RCE1: variants seen among roughly 807,000 people sequenced by gnomAD.
The protein encoded by RCE1 is CAAX prenyl protease 2.
A neutral mutation model predicts 35.0 loss-of-function variants in RCE1; 15 were observed. The observed-to-expected ratio is 0.43, with a 90% CI of 0.29 to 0.66. The LOEUF (loss-of-function observed/expected upper bound fraction) is 0.66. Ranked by LOEUF, RCE1 falls within the 30% of genes least tolerant of loss-of-function variation. RCE1 has a pLI of 0.17. For synonymous variants in RCE1, 261 were observed against 192.7 expected, an observed-to-expected ratio of 1.35 and a Z score of -2.94; for missense variants, 434 against 433.0, an observed-to-expected ratio of 1.00 and a Z score of -0.02.
intron 3 of RCE1, 62 bp from the exon 4 acceptor site, chr11:66,844,224 A>C: frequency 6.2e-7 from 1 of 1,610,878 alleles, no homozygotes; most frequent in South Asian, 1.1e-5. Flanking sequence ...AGTCTCAGGG[A>C]GCATGGGCAA....
In RCE1 at chr11:66,846,100, T is replaced by TG; in HGVS notation, c.*6dup. ...GAGGCTCCCCTGTGCTCCTGACCTA[T>TG]GCTCCTGGATACGCTATGAACTCTC... On this transcript the variant is annotated 3_prime_UTR_variant, in exon 8 of 8. Transcript: ENST00000309657. 1.3e-6 allele frequency: 2 copies of TG among 1,599,950 alleles called. No individual in the cohort carries two copies. The highest frequency in any genetic ancestry group is 1.7e-6 in the Non-Finnish European group (2 of 1,174,142).
In RCE1 at chr11:66,844,337, C is replaced by T. The variant is rs1183915321; in HGVS notation, c.424C>T (p.Leu142=). 3.1e-6 allele frequency: 5 copies of T among 1,614,034 alleles called. No individual in the cohort carries two copies. The highest frequency in any genetic ancestry group is 3.4e-6 in the Non-Finnish European group (4 of 1,180,022). The change falls in exon 4 of 8, where the codon CTG becomes TTG. Residue 142 remains leucine, a synonymous_variant. Transcript: ENST00000309657. The stretch of plus-strand genomic sequence containing the variant: ...GCTCTCTATGGATTGCCCTTGTGAC[C>T]TGGCAGATGGGCTGAAGGTTGTCCT... ...MQLSMDCPCD[L]ADGLKVVLAP...
chr11:66,844,496 A>G, intron 4 of RCE1, 132 bp downstream of exon 4: 1 of 1,275,768 alleles, frequency 7.8e-7, no homozygotes, highest in South Asian at 1.3e-5. Flanking sequence ...TCATCAGTAA[A>G]ATGGAAACAT....
In RCE1 at chr11:66,843,626, G is replaced by A; in HGVS notation, c.171G>A (p.Lys57=). 1.2e-6 allele frequency: 2 copies of A among 1,601,710 alleles called. No individual in the cohort carries two copies. The highest frequency in any genetic ancestry group is 1.1e-5 in the South Asian group (1 of 90,242). ...ACGTGGGCAGCCTCTACGTCTGGAA[G>A]AGCGAACTGCCCAGGTGCGGGGGCT... ...CSYVGSLYVW[K]SELPRDHPAV... is the part of the protein sequence containing the mutation. The change falls in exon 1 of 8, where the codon AAG becomes AAA. Residue 57 remains lysine, a synonymous_variant. Transcript: ENST00000309657.
chr11:66,845,077 A>T, intron 5 of RCE1, 41 bp downstream of exon 5: 2 of 1,609,210 alleles, frequency 1.2e-6, no homozygotes, highest in Non-Finnish European at 1.7e-6. Context: ...TTTCAGCATG[A>T]GAGCTCAGAA....
At chr11:66,843,907 G>A (rs1208564229) in intron 2 of RCE1, 46 bp downstream of exon 2, 1 of 1,614,026 alleles carries the variant, frequency 6.2e-7, no homozygotes, top group Non-Finnish European at 8.5e-7. Context: ...AGAGCTCAGG[G>A]GTCTTTAGGG....
Position 66,846,144 on chromosome 11 carries a change from C to T in RCE1, c.*49C>T. The T allele has an allele frequency of 1.3e-6, 2 of 1,529,080 alleles. No individual in the cohort carries two copies. Among genetic ancestry groups the T allele is most frequent in the Non-Finnish European group, 1.8e-6 (2 of 1,141,790 alleles). The allele number at this position is 1,529,080 out of a possible 1,614,324, so 94.7% of individuals were successfully genotyped here. ...AACTCTCACCGGCTCCCCAGCCCTC[C>T]CCACCAAGGGGTACTGCAGGGGAAG... is the stretch of plus-strand genomic sequence containing the variant. On this transcript the variant is annotated 3_prime_UTR_variant, in exon 8 of 8. Transcript: ENST00000309657.
At chr11:66,845,824 A>G in intron 7 of RCE1, 36 bp from the exon 8 acceptor site, 1 of 1,599,496 alleles carries the variant, frequency 6.3e-7, no homozygotes. Flanking sequence ...AGGAGGTGGT[A>G]GGGCTGCTCC....
At chr11:66,845,072 G>T (rs761820215) in intron 5 of RCE1, 36 bp downstream of exon 5, 22 of 1,608,688 alleles carry the variant, frequency 1.4e-5, no homozygotes, top group Non-Finnish European at 1.9e-5. Context: ...TGTGTTTTCA[G>T]CATGAGAGCT....
rs536534375 is a variant in RCE1 at position 66,844,780 on chromosome 11, A to G, written c.452-89A>G. On this transcript the variant is annotated intron_variant, in intron 4 of 7. Coordinates refer to ENST00000309657, the MANE Select transcript of RCE1 (RefSeq NM_005133.3). ...TGCCTAACCTGAGTTTGGCCAGGGT[A>G]AAGTTGTGGGAGAGGAGCCCTTGGA... The G allele has an allele frequency of 2.5e-4, 355 of 1,447,996 alleles. 1 individual carries two copies. Among genetic ancestry groups the G allele is most frequent in the Non-Finnish European group, 8.8e-5 (97 of 1,100,134 alleles). 89.7% of individuals were successfully genotyped at this position (1,447,996 alleles called of 1,614,324 possible).
At chr11:66,844,110 GT>G in intron 3 of RCE1, 71 bp downstream of exon 3, 1 of 1,606,388 alleles carries the variant, frequency 6.2e-7, no homozygotes, top group Non-Finnish European at 8.5e-7. Flanking sequence ...GTGGACTCTT[GT>G]TTTTGGTTTT....
At position 66,843,992 on chromosome 11, in the gene RCE1, C is replaced by A. The variant is rs754334755; in HGVS notation, c.325C>A (p.Leu109Met). 40 of 1,614,024 alleles carry A rather than the reference C, an allele frequency of 2.5e-5. No individual in the cohort carries two copies. The highest frequency in any genetic ancestry group is 3.3e-5 in the Non-Finnish European group (39 of 1,180,038). The change falls in exon 3 of 8, where the codon CTG becomes ATG. Residue 109 changes from leucine to methionine, a missense_variant. By Grantham distance (15) the Leu-to-Met change is conservative. Transcript: ENST00000309657. ...CCTGCTCACCCTGATGGGCTTCAGG[C>A]TGGAGGGCATTTTCCCAGCGGCGCT... ...TSLLTLMGFR[L>M]EGIFPAALLP...
chr11:66,845,462 C>T lies in RCE1; in HGVS notation c.692-38C>T, dbSNP rs568061844. ...GTATGTAGTGTGGGGGCAGGAAGGG[C>T]GTGCAGGTGTGGTCACTCGTGGCCT... On this transcript the variant is annotated intron_variant, in intron 6 of 7. Transcript: ENST00000309657. 2.1e-5 allele frequency: 34 copies of T among 1,613,816 alleles called. No homozygotes were observed. The African/African-American group carries it at 2.4e-4, about 11-fold the overall frequency.
intron 1 of RCE1, 35 bp from the exon 2 acceptor site, chr11:66,843,724 C>T: frequency 6.2e-7 from 1 of 1,608,514 alleles, no homozygotes; most frequent in East Asian, 2.2e-5. Flanking sequence ...TCATGGGCAG[C>T]CGCGGGCCCC....
At position 66,844,955 on chromosome 11, in the gene RCE1, C is replaced by G; in HGVS notation, c.538C>G (p.Arg180Gly). Residue 180 changes from arginine to glycine, a missense_variant, in exon 5 of 8, where the codon CGG becomes GGG. Transcript: ENST00000309657. ...CCCGCTGACAGAGGAGCTGGTGTTC[C>G]GGGCCTGTATGCTGCCCATGTTAGC... The part of the protein sequence containing the change: ...IAPLTEELVF[R>G]ACMLPMLAPC... 6.2e-7 allele frequency: 1 copy of G among 1,607,410 alleles called. No homozygotes were observed. The highest frequency in any genetic ancestry group is 8.5e-7 in the Non-Finnish European group (1 of 1,176,616).
rs1048540939 is a variant in RCE1 at position 66,843,483 on chromosome 11, C to A, written c.28C>A (p.Arg10=). 4.1e-6 allele frequency: 6 copies of A among 1,468,948 alleles called. No homozygotes were observed. Among genetic ancestry groups the A allele is most frequent in the East Asian group, 5.6e-5 (2 of 35,598 alleles). 91.0% of individuals were successfully genotyped at this position (1,468,948 alleles called of 1,614,324 possible). Reference sequence around the variant, plus strand: ...GGCGGCGCTGGGCGGGGATGGGCTGCGACTGCTGTCGGTGTCGCGGCCGGA... The same window carrying A: ...GGCGGCGCTGGGCGGGGATGGGCTGAGACTGCTGTCGGTGTCGCGGCCGGA... MAALGGDGL[R]LLSVSRPERP... Residue 10 remains arginine (R), a synonymous_variant, in exon 1 of 8, where the codon CGA becomes AGA. Coordinates refer to ENST00000309657, the MANE Select transcript of RCE1 (RefSeq NM_005133.3).
rs778268309 is a variant in RCE1 at position 66,845,221 on chromosome 11, C to T, written c.675C>T (p.Asn225=). The T allele has an allele frequency of 4.5e-5, 72 of 1,614,110 alleles. No individual in the cohort carries two copies. In the Admixed American group the frequency reaches 6.8e-4, roughly 15 times the overall value. The change falls in exon 6 of 8, where the codon AAC becomes AAT. Residue 225 remains asparagine, a synonymous_variant. Transcript: ENST00000309657. ...GTTTCCGCCAGAGCAGCGTGGGGAA[C>T]ATCTTCTTGTCTGCTGGTGAGTCCT... The part of the protein sequence containing the change: ...QLRFRQSSVG[N]IFLSAAFQFS...
At position 66,845,975 on chromosome 11, in the gene RCE1, G is replaced by T; in HGVS notation, c.870G>T (p.Leu290=). 6.2e-7 allele frequency: 1 copy of T among 1,613,836 alleles called. No homozygotes were observed. ...GGCCCCTGCTGGCAGGCTATGCCCT[G>T]GGTGTGGGACTCTTCCTGCTTCTGC... ...QRRPLLAGYA[L]GVGLFLLLLQ... is the part of the protein sequence containing the mutation. Residue 290 remains leucine (L), a synonymous_variant, in exon 8 of 8, where the codon CTG becomes CTT. Coordinates refer to ENST00000309657, the MANE Select transcript of RCE1 (RefSeq NM_005133.3).
chr11:66,843,902 T>TC (rs1418136193), intron 2 of RCE1, 41 bp downstream of exon 2: 3 of 1,613,788 alleles, frequency 1.9e-6, no homozygotes, highest in Non-Finnish European at 2.5e-6. Flanking sequence ...CGGTGAGAGC[T>TC]CAGGGGTCTT....
Sources: allele counts gnomAD v4.1 joint callset, GRCh38; gene constraint gnomAD v4.1.1; transcripts MANE v1.5; gene names NCBI Gene and HGNC (gene_info 2026-07-23, HGNC 2026-07-21).